Variants in TNFRSF1A observed in about 807,000 individuals in gnomAD.
The protein encoded by TNFRSF1A is tumor necrosis factor receptor superfamily member 1A.
A neutral mutation model predicts 41.6 loss-of-function variants in TNFRSF1A; 9 were observed. That is an observed-to-expected ratio of 0.22 (90% CI 0.13 to 0.38). The LOEUF (loss-of-function observed/expected upper bound fraction) is 0.38, where lower values mean the gene tolerates loss of function less well. TNFRSF1A is among the 10% of genes least tolerant of loss of function. The pLI is 1.00. For synonymous variants in TNFRSF1A, 254 were observed against 248.6 expected, an observed-to-expected ratio of 1.02 and a Z score of -0.21; for missense variants, 463 against 591.5, an observed-to-expected ratio of 0.78 and a Z score of 2.25.
At position 6,337,098 on chromosome 12, in the gene TNFRSF1A, C is replaced by A. The variant is rs4149582; in HGVS notation, c.40-2854G>T. ...ACCAGCCCTGCTTCCTAGGCTTCCC[C>A]TGGCCCCCAGAATGCTCCAGGTCAG... On this transcript the variant is annotated intron_variant, in intron 1 of 9. Transcript: ENST00000162749. This position sits in a 1 kb window ranked among gnomAD's most constrained non-coding sequence, Gnocchi z 4.6. Among the ~76,000 whole-genome samples the A allele has an allele frequency of 1.6e-3, 250 of 152,344 alleles. 1 individual carries two copies. Among genetic ancestry groups the A allele is most frequent in the Non-Finnish European group, 2.9e-3 (196 of 68,028 alleles).
chr12:6,333,789 G>C lies in TNFRSF1A; in HGVS notation c.270C>G (p.Thr90=). ...DCRECESGSF[T]ASENHLRHCL... Reference sequence around the variant, plus strand: ...AGTGTCTGAGGTGGTTTTCTGAAGCGGTGAAGGAGCCGCTCTCACACTCCC... The same window carrying C: ...AGTGTCTGAGGTGGTTTTCTGAAGCCGTGAAGGAGCCGCTCTCACACTCCC... Residue 90 remains threonine (T), a synonymous_variant, in exon 3 of 10, where the codon ACC becomes ACG. Transcript: ENST00000162749. This position sits in a 1 kb window ranked among gnomAD's most constrained non-coding sequence, Gnocchi z 6.3. 3.2e-6 allele frequency: 5 copies of C among 1,582,696 alleles called. No homozygotes were observed. The highest frequency in any genetic ancestry group is 4.3e-6 in the Non-Finnish European group (5 of 1,163,606).
chr12:6,333,727 G>C lies in TNFRSF1A; in HGVS notation c.322+10C>G. The C allele has an allele frequency of 6.4e-7, 1 of 1,567,828 alleles. No individual in the cohort carries two copies. The highest frequency in any genetic ancestry group is 8.7e-7 in the Non-Finnish European group (1 of 1,155,144). ...AGACCCGCCTGACTCTCCTGCCTGT[G>C]CACACTCACCCTTTCGGCATTTGGA... is the stretch of plus-strand genomic sequence containing the variant. On this transcript the variant is annotated intron_variant, in intron 3 of 9. Transcript: ENST00000162749. The surrounding 1 kb of genome is among the most constrained non-coding windows in gnomAD (Gnocchi z 6.3).
rs1347535971 is a variant in TNFRSF1A, at chr12:6,337,292, G to T, written c.40-3048C>A. Among the ~76,000 whole-genome samples the T allele has an allele frequency of 6.6e-6, 1 of 152,224 alleles. No homozygotes were observed. The highest frequency in any genetic ancestry group is 1.5e-5 in the Non-Finnish European group (1 of 68,042). On this transcript the variant is annotated intron_variant, in intron 1 of 9. Transcript: ENST00000162749. This position sits in a 1 kb window ranked among gnomAD's most constrained non-coding sequence, Gnocchi z 4.6. ...GCCCAGACTCCAGCCTGGAGCAGAA[G>T]GGCAGGAAGCTGGGGTGCCTGTGGA...
rs1265668680 is a variant in TNFRSF1A, at chr12:6,337,140, G to A, written c.40-2896C>T. On this transcript the variant is annotated intron_variant, in intron 1 of 9. Coordinates refer to ENST00000162749, the MANE Select transcript of TNFRSF1A (RefSeq NM_001065.4). The surrounding 1 kb of genome is among the most constrained non-coding windows in gnomAD (Gnocchi z 4.6). The stretch of plus-strand genomic sequence containing the variant: ...CCAGGTCAGCCCTCTCTGATCCCTA[G>A]GAGCCAGGGCCCTCAGACTCCCCAC... Among the ~76,000 whole-genome samples, 2 of 152,184 alleles carry A rather than the reference G, an allele frequency of 1.3e-5. No homozygotes were observed. Among genetic ancestry groups the A allele is most frequent in the Admixed American group, 1.3e-4 (2 of 15,280 alleles).
chr12:6,333,777 G>A lies in TNFRSF1A; in HGVS notation c.282C>T (p.Asn94=). The change falls in exon 3 of 10, where the codon AAC becomes AAT. Residue 94 remains asparagine, a synonymous_variant. Transcript: ENST00000162749. This position sits in a 1 kb window ranked among gnomAD's most constrained non-coding sequence, Gnocchi z 6.3. ...AGCAGCTGAGGCAGTGTCTGAGGTG[G>A]TTTTCTGAAGCGGTGAAGGAGCCGC... ...CESGSFTASE[N]HLRHCLSCSK... is the part of the protein sequence containing the mutation. 1 of 1,578,368 alleles carries A rather than the reference G, an allele frequency of 6.3e-7. No homozygotes were observed. The highest frequency in any genetic ancestry group is 2.3e-5 in the East Asian group (1 of 43,194).
chr12:6,330,524 A>G (rs535521062), intron 7 of TNFRSF1A, 74 bp downstream of exon 7: 18 of 1,188,222 alleles, frequency 1.5e-5, no homozygotes. Context: ...CTCCCTCCAC[A>G]CATGTCCATC....
At chr12:6,339,212 A>C (rs1410270444) in intron 1 of TNFRSF1A, among the ~76,000 whole-genome samples, 1 of 152,146 alleles carries the variant, frequency 6.6e-6, no homozygotes, top group Non-Finnish European at 1.5e-5. Context: ...ATCAGTATCC[A>C]ACTCTGCTTC....
rs1415546898 is a variant in TNFRSF1A at position 6,337,428 on chromosome 12, G to GCTGAGATC, written c.40-3192_40-3185dup. 9.8e-5 allele frequency among the ~76,000 whole-genome samples: 15 copies of GCTGAGATC among 152,318 alleles called. No individual in the cohort carries two copies. Among genetic ancestry groups the GCTGAGATC allele is most frequent in the Admixed American group, 2.0e-4 (3 of 15,296 alleles). ...TGGGGCTGCAGAGTGGGGAGGCGAC[G>GCTGAGATC]CTGAGATCGGCCTTGTGGTCTGACC... On this transcript the variant is annotated intron_variant, in intron 1 of 9. Coordinates refer to ENST00000162749, the MANE Select transcript of TNFRSF1A (RefSeq NM_001065.4). This position sits in a 1 kb window ranked among gnomAD's most constrained non-coding sequence, Gnocchi z 4.6.
Position 6,329,466 on chromosome 12 carries a change from G to A in TNFRSF1A, c.1214C>T (p.Ala405Val). The change falls in exon 10 of 10, where the codon GCG becomes GTG. Residue 405 changes from alanine to valine, a missense_variant. By Grantham distance (64) the Ala-to-Val change is moderately conservative. Coordinates refer to ENST00000162749, the MANE Select transcript of TNFRSF1A (RefSeq NM_001065.4). ...CCGCGGCGTGCGCCGCCTCCAGGTC[G>A]CCAGCATGCTGTATTGCGCCTCGCG... ...CLREAQYSML[A>V]TWRRRTPRRE... is the part of the protein sequence containing the mutation. The A allele has an allele frequency of 6.3e-7, 1 of 1,592,022 alleles. No homozygotes were observed. The highest frequency in any genetic ancestry group is 1.7e-4 in the Middle Eastern group (1 of 6,034).
At chr12:6,336,190 C>A (rs1220133931) in intron 1 of TNFRSF1A, among the ~76,000 whole-genome samples, 1 of 152,122 alleles carries the variant, frequency 6.6e-6, no homozygotes, top group African/African-American at 2.4e-5. Flanking sequence ...TTAAAGGGAG[C>A]TTTTCAGGGA....
rs768168665 is a variant in TNFRSF1A, at chr12:6,329,413, G to A, written c.1267C>T (p.Arg423Cys). 7 of 1,576,996 alleles carry A rather than the reference G, an allele frequency of 4.4e-6. No homozygotes were observed. The highest frequency in any genetic ancestry group is 6.0e-6 in the Non-Finnish European group (7 of 1,168,220). ...RREATLELLGRVLRDMDLLGC... is the reference protein window; with the variant it reads ...RREATLELLGCVLRDMDLLGC... ...AGCAGGTCCATGTCGCGGAGCACGC[G>A]TCCCAGCAGCTCCAGCGTGGCCTCG... The change falls in exon 10 of 10, where the codon CGC becomes TGC. Residue 423 changes from arginine to cysteine, a missense_variant. Arg to Cys is a radical substitution (Grantham distance 180). Around this residue, in one of 4 missense-constraint regions of TNFRSF1A, gnomAD observed 277 missense variants for 288.8 expected, o/e 0.96. Coordinates refer to ENST00000162749, the MANE Select transcript of TNFRSF1A (RefSeq NM_001065.4).
intron 1 of TNFRSF1A, among the ~76,000 whole-genome samples, chr12:6,338,343 CCT>C: frequency 6.6e-6 from 1 of 152,122 alleles, no homozygotes; most frequent in East Asian, 1.9e-4. Flanking sequence ...GAGGCCTCCC[CCT>C]GTGATCTCTC....
In TNFRSF1A at chr12:6,329,146, CGG is replaced by C. The variant is rs1947988818; in HGVS notation, c.*164_*165del. ...CCGCGCGCACAGCGCTGACTGTCGGCGGCGCGCAGGCAGCTGAGAAAAGCTAT... is the reference window on the plus strand; with the variant it reads ...CCGCGCGCACAGCGCTGACTGTCGGCCGCGCAGGCAGCTGAGAAAAGCTAT... On this transcript the variant is annotated 3_prime_UTR_variant, in exon 10 of 10. Coordinates refer to ENST00000162749, the MANE Select transcript of TNFRSF1A (RefSeq NM_001065.4). 3.2e-6 allele frequency: 2 copies of C among 622,366 alleles called. No individual in the cohort carries two copies. The highest frequency in any genetic ancestry group is 3.8e-5 in the African/African-American group (2 of 52,476). The allele number at this position is 622,366 out of a possible 1,614,324, so 38.6% of individuals were successfully genotyped here.
rs1176222642 is a variant in TNFRSF1A, at chr12:6,329,447, C to T, written c.1233G>A (p.Thr411=). ...YSMLATWRRR[T]PRREATLELL... ...GCTCCAGCGTGGCCTCGCGCCGCGG[C>T]GTGCGCCGCCTCCAGGTCGCCAGCA... The change falls in exon 10 of 10, where the codon ACG becomes ACA. Residue 411 remains threonine (T), a synonymous_variant. Transcript: ENST00000162749. The T allele has an allele frequency of 6.9e-6, 11 of 1,587,478 alleles. No individual in the cohort carries two copies. Among genetic ancestry groups the T allele is most frequent in the African/African-American group, 1.4e-5 (1 of 73,924 alleles).
intron 8 of TNFRSF1A, 99 bp downstream of exon 8, chr12:6,330,168 C>T (rs1948025900): frequency 1.9e-6 from 3 of 1,611,018 alleles, no homozygotes; most frequent in Admixed American, 3.3e-5. Flanking sequence ...ATGAGGCGAG[C>T]CCCCGGAAAG....
Position 6,332,841 on chromosome 12 carries a change from G to A in TNFRSF1A, c.551+228C>T, listed in dbSNP as rs536117748. Among the ~76,000 whole-genome samples the A allele has an allele frequency of 1.8e-4, 28 of 152,304 alleles. No individual in the cohort carries two copies. The South Asian group carries it at 5.4e-3, about 29-fold the overall frequency. On this transcript the variant is annotated intron_variant, in intron 5 of 9. Transcript: ENST00000162749. ...AGAATCTACATATCTGAGTTGGAAG[G>A]GCTGCCAGCCCTTGGGGCATGATCT...
rs376449099 is a variant in TNFRSF1A at position 6,329,950 on chromosome 12, G to A, written c.885C>T (p.Ser295=). 4 of 1,574,830 alleles carry A rather than the reference G, an allele frequency of 2.5e-6. No individual in the cohort carries two copies. Among genetic ancestry groups the A allele is most frequent in the Non-Finnish European group, 3.5e-6 (4 of 1,158,630 alleles). The change falls in exon 9 of 10, where the codon TCC becomes TCT. Residue 295 remains serine (S), a synonymous_variant. Transcript: ENST00000162749. ...AGTCACCGGGGGTATAGGTGGAGCT[G>A]GAGGTGAAGGTGGAACTGGGCACGG... ...FSPVPSSTFT[S]SSTYTPGDCP...
chr12:6,332,457 A>AG, intron 5 of TNFRSF1A, among the ~76,000 whole-genome samples: 1 of 131,156 alleles, frequency 7.6e-6, no homozygotes, highest in South Asian at 2.3e-4. Flanking sequence ...AAAAAAAAAC[A>AG]CCAAAAGAAA....
intron 5 of TNFRSF1A, among the ~76,000 whole-genome samples, chr12:6,332,449 A>AGGCC (rs1948063615): frequency 6.6e-6 from 1 of 150,750 alleles, no homozygotes; most frequent in Non-Finnish European, 1.5e-5. Flanking sequence ...AAAAAAAAAA[A>AGGCC]AAAAAACACC....
Sources: allele counts gnomAD v4.1 joint callset (sites outside exome capture counted in the v4.1 genomes callset), GRCh38; gene constraint gnomAD v4.1.1; regional missense constraint gnomAD v4.1.1; non-coding constraint Gnocchi (gnomAD v3.1); transcripts MANE v1.5; gene names NCBI Gene and HGNC (gene_info 2026-07-23, HGNC 2026-07-21).